Variants in IL36B observed in about 807,000 individuals in gnomAD.
IL36B encodes interleukin 36 beta.
Under a neutral mutation model 19.3 loss-of-function variants are expected in IL36B, and 23 were observed. The ratio of observed to expected loss-of-function variants is 1.19; its 90% CI spans 0.86 to 1.69. IL36B has a LOEUF of 1.69. IL36B is among the 40% of genes most tolerant of loss of function. The probability of loss-of-function intolerance (pLI) is 0.00; values close to 1 mark genes in which losing one functional copy is unlikely to be tolerated. For missense variants in IL36B, 217 were observed against 200.5 expected (o/e 1.08, Z -0.50); for synonymous variants, 59 against 59.7 (o/e 0.99, Z 0.05).
At chr2:113,046,835 G>A (rs1685359381) in intron 1 of IL36B, among the ~76,000 whole-genome samples, 1 of 151,990 alleles carries the variant, frequency 6.6e-6, no homozygotes, top group Non-Finnish European at 1.5e-5. Flanking sequence ...TGTTCATTAG[G>A]TTTCTCCACT....
intron 1 of IL36B, among the ~76,000 whole-genome samples, chr2:113,034,830 G>A (rs979179906): frequency 4.6e-5 from 7 of 152,200 alleles, no homozygotes; most frequent in Non-Finnish European, 8.8e-5. Context: ...AGTGGGACTG[G>A]CAGCTTTGCC....
intron 1 of IL36B, among the ~76,000 whole-genome samples, chr2:113,051,843 A>G (rs987452987): frequency 1.8e-4 from 28 of 152,272 alleles, no homozygotes; most frequent in African/African-American, 5.5e-4. Flanking sequence ...AAGTCACTCC[A>G]GGGAGTGATA....
At chr2:113,048,835 T>C (rs1042055609) in intron 1 of IL36B, among the ~76,000 whole-genome samples, 1 of 152,160 alleles carries the variant, frequency 6.6e-6, no homozygotes, top group Non-Finnish European at 1.5e-5. Flanking sequence ...TGCCCATAAA[T>C]TTAACATCTT....
intron 4 of IL36B, chr2:113,027,838 G>T (rs1684991913): frequency 6.3e-7 from 1 of 1,590,176 alleles, no homozygotes; most frequent in Admixed American, 1.8e-5. Flanking sequence ...ATAATGATCT[G>T]TTAAGATGAC....
intron 5 of IL36B, among the ~76,000 whole-genome samples, chr2:113,023,128 C>T (rs1478432954): frequency 2.0e-5 from 3 of 152,188 alleles, no homozygotes; most frequent in East Asian, 1.9e-4. Context: ...AATGTTTGAA[C>T]GTGGATGGCG....
intron 1 of IL36B, among the ~76,000 whole-genome samples, chr2:113,048,734 C>T (rs1685390660): frequency 6.6e-6 from 1 of 151,952 alleles, no homozygotes. Flanking sequence ...TGAGAGGAGA[C>T]TAATTACCAG....
intron 1 of IL36B, among the ~76,000 whole-genome samples, chr2:113,038,220 C>A (rs1339462287): frequency 6.6e-6 from 1 of 152,142 alleles, no homozygotes; most frequent in Non-Finnish European, 1.5e-5. Context: ...TTTCTTCTTG[C>A]TACAAGTTGT....
intron 4 of IL36B, among the ~76,000 whole-genome samples, chr2:113,027,055 G>A (rs148328153): frequency 2.0e-5 from 3 of 152,274 alleles, no homozygotes; most frequent in African/African-American, 7.2e-5. Flanking sequence ...CATTTTGTAT[G>A]TTATATGTAT....
chr2:113,028,179 T>G, intron 4 of IL36B, 64 bp from the exon 5 acceptor site: 1 of 1,308,130 alleles, frequency 7.6e-7, no homozygotes, highest in Non-Finnish European at 1.1e-6. Context: ...GTAACTCAGC[T>G]CTGAGTGTGT....
intron 1 of IL36B, among the ~76,000 whole-genome samples, chr2:113,052,328 C>T (rs1573381578): frequency 6.6e-6 from 1 of 152,148 alleles, no homozygotes; most frequent in Admixed American, 6.5e-5. Flanking sequence ...GCTCTGCCTT[C>T]TATTCCAAAT....
rs1242634804 is a variant in IL36B at position 113,028,948 on chromosome 2, C to T, written c.252G>A (p.Leu84=). 2 of 1,613,928 alleles carry T rather than the reference C, an allele frequency of 1.2e-6. No individual in the cohort carries two copies. Among genetic ancestry groups the T allele is most frequent in the Non-Finnish European group, 8.5e-7 (1 of 1,179,916 alleles). Reference sequence around the variant, plus strand: ...CTGCACAATCACTCACCTTAAGCTGCAAAGTAGGCTTGCCCTGAATTTCTG... The same window carrying T: ...CTGCACAATCACTCACCTTAAGCTGTAAAGTAGGCTTGCCCTGAATTTCTG... The change falls in exon 4 of 6, where the codon TTG becomes TTA. Residue 84 remains leucine, a synonymous_variant. Transcript: ENST00000259213.
At chr2:113,035,513 T>A (rs1289789975) in intron 1 of IL36B, among the ~76,000 whole-genome samples, 3 of 150,580 alleles carry the variant, frequency 2.0e-5, no homozygotes, top group Middle Eastern at 3.2e-3. Context: ...AAAAAAAAAA[T>A]AATAATAGCA....
chr2:113,022,477 C>A lies in IL36B; in HGVS notation c.*197G>T. ...CAGGTTATGTAGTCCAAATCTACTC[C>A]TAAAAAGACTCCGACCTTCTCTAGC... On this transcript the variant is annotated 3_prime_UTR_variant, in exon 6 of 6. Coordinates refer to ENST00000259213, the MANE Select transcript of IL36B (RefSeq NM_014438.5). The A allele has an allele frequency of 2.0e-6, 1 of 507,364 alleles. No homozygotes were observed. The highest frequency in any genetic ancestry group is 3.5e-6 in the Non-Finnish European group (1 of 282,784). 31.4% of individuals were successfully genotyped at this position (507,364 alleles called of 1,614,324 possible).
intron 1 of IL36B, among the ~76,000 whole-genome samples, chr2:113,039,564 G>T (rs1685219223): frequency 6.6e-6 from 1 of 152,048 alleles, no homozygotes; most frequent in Admixed American, 6.6e-5. Flanking sequence ...CCAAACTAGA[G>T]GGGAGGATGA....
intron 4 of IL36B, among the ~76,000 whole-genome samples, chr2:113,026,678 C>A (rs1349334313): frequency 2.0e-5 from 3 of 151,958 alleles, no homozygotes; most frequent in African/African-American, 7.3e-5. Flanking sequence ...TAAAAGTATC[C>A]CTATAGAGGA....
At chr2:113,040,238 T>C (rs1408855154) in intron 1 of IL36B, among the ~76,000 whole-genome samples, 1 of 152,014 alleles carries the variant, frequency 6.6e-6, no homozygotes, top group African/African-American at 2.4e-5. Flanking sequence ...CCCAGCAAAC[T>C]AGGAATAGAA....
chr2:113,031,191 G>A, intron 2 of IL36B, 36 bp from the exon 3 acceptor site: 9 of 1,419,256 alleles, frequency 6.3e-6, no homozygotes, highest in East Asian at 2.3e-5. Context: ...ATACACGTGA[G>A]GTTATCAACT....
intron 1 of IL36B, among the ~76,000 whole-genome samples, chr2:113,041,858 T>A (rs1244914307): frequency 6.6e-6 from 1 of 152,154 alleles, no homozygotes; most frequent in African/African-American, 2.4e-5. Context: ...GCTCAAGAGA[T>A]CCTCCTGCCT....
chr2:113,032,778 C>G (rs1024263530), intron 1 of IL36B, among the ~76,000 whole-genome samples: 2 of 152,214 alleles, frequency 1.3e-5, no homozygotes, highest in African/African-American at 4.8e-5. Flanking sequence ...AAGGAAAGAG[C>G]ATTCTTTCCT....
Sources: allele counts gnomAD v4.1 joint callset (sites outside exome capture counted in the v4.1 genomes callset), GRCh38; gene constraint gnomAD v4.1.1; transcripts MANE v1.5; gene names NCBI Gene and HGNC (gene_info 2026-07-23, HGNC 2026-07-21).